The following PKD2 variants were observed in gnomAD, a reference collection of about 807,000 sequenced individuals.
PKD2 encodes polycystin-2.
Under a neutral mutation model 105.9 loss-of-function variants are expected in PKD2, and 48 were observed. That is an observed-to-expected ratio of 0.45 (90% CI 0.36 to 0.58). The LOEUF is 0.58. Ranked by LOEUF, PKD2 falls within the 20% of genes least tolerant of loss-of-function variation. The pLI, the probability that PKD2 is intolerant of heterozygous loss-of-function variation, is 0.00. For synonymous variants in PKD2, 464 were observed against 481.1 expected (o/e 0.96, Z 0.46); for missense variants, 1,078 against 1,255.3 (o/e 0.86, Z 2.13).
At chr4:88,016,656 A>G (rs1726572615) in intron 1 of PKD2, among the ~76,000 whole-genome samples, 1 of 152,202 alleles carries the variant, frequency 6.6e-6, no homozygotes, top group Non-Finnish European at 1.5e-5. Context: ...AGATAGAGTA[A>G]TTTAGAAAAA....
rs527635571 is a variant in PKD2 at position 88,043,108 on chromosome 4, G to A, written c.1095-125G>A. 1.7e-5 allele frequency: 12 copies of A among 701,440 alleles called. No individual in the cohort carries two copies. In the South Asian group the frequency reaches 1.7e-4, roughly 10 times the overall value. The allele number at this position is 701,440 out of a possible 1,614,324, so 43.5% of individuals were successfully genotyped here. A position where few individuals can be genotyped will look rare whatever the true frequency, so the allele number is the denominator to read the frequency against. ...AAGAAAACATGAACTGCCAGGTCAGGCACAGTACCCAGCTTGATAGGCCTT... is the reference window on the plus strand; with the variant it reads ...AAGAAAACATGAACTGCCAGGTCAGACACAGTACCCAGCTTGATAGGCCTT... On this transcript the variant is annotated intron_variant, in intron 4 of 14. Transcript: ENST00000237596.
chr4:88,016,791 C>T (rs1295008317), intron 1 of PKD2, among the ~76,000 whole-genome samples: 1 of 151,642 alleles, frequency 6.6e-6, no homozygotes, highest in Non-Finnish European at 1.5e-5. Context: ...TGAGACCCCA[C>T]CTCTACAAAA....
intron 1 of PKD2, among the ~76,000 whole-genome samples, chr4:88,018,652 C>A (rs528405079): frequency 5.4e-4 from 82 of 152,312 alleles, no homozygotes; most frequent in Non-Finnish European, 1.0e-3. Flanking sequence ...TGGCTGAGTC[C>A]AAAACTGCGG....
intron 6 of PKD2, among the ~76,000 whole-genome samples, chr4:88,049,839 C>T (rs1719972482): frequency 6.6e-6 from 1 of 151,916 alleles, no homozygotes; most frequent in Non-Finnish European, 1.5e-5. Context: ...AGTACACAGG[C>T]TGCATCAGTC....
chr4:88,010,856 T>C (rs4349566), intron 1 of PKD2, among the ~76,000 whole-genome samples: 14,650 of 152,238 alleles, frequency 0.096, 1,045 homozygotes, highest in East Asian at 0.41. Flanking sequence ...AGAAGTAAAA[T>C]AGTAAAGAAA....
At position 88,056,111 on chromosome 4, in the gene PKD2, G is replaced by C. The variant is rs779718327; in HGVS notation, c.1742G>C (p.Arg581Thr). Residue 581 changes from arginine to threonine, a missense_variant, in exon 8 of 15, where the codon AGG becomes ACG. Physicochemically the swap from Arg to Thr is moderately conservative, Grantham distance 71 (BLOSUM62 -1). Coordinates refer to ENST00000237596, the MANE Select transcript of PKD2 (RefSeq NM_000297.4). ...CTCTTCAAATTCATCAATTTTAACA[G>C]GACCATGAGCCAGCTCTCGACAACC... ...IKLFKFINFNRTMSQLSTTMS... is the reference protein window; with the variant it reads ...IKLFKFINFNTTMSQLSTTMS... 6.2e-7 allele frequency: 1 copy of C among 1,613,078 alleles called. No homozygotes were observed. The highest frequency in any genetic ancestry group is 8.5e-7 in the Non-Finnish European group (1 of 1,179,272).
At chr4:88,041,975 G>C (rs534392870) in intron 4 of PKD2, among the ~76,000 whole-genome samples, 14 of 152,172 alleles carry the variant, frequency 9.2e-5, no homozygotes, top group Non-Finnish European at 2.1e-4. Context: ...GTGCCTCTTA[G>C]AACTTTCCCT....
chr4:88,026,125 T>C (rs1214022494), intron 2 of PKD2, among the ~76,000 whole-genome samples: 2 of 152,020 alleles, frequency 1.3e-5, no homozygotes, highest in East Asian at 1.9e-4. Context: ...CAGGCAGCAA[T>C]TGGAACAGTT....
At chr4:88,018,382 C>G (rs1726630685) in intron 1 of PKD2, among the ~76,000 whole-genome samples, 1 of 152,088 alleles carries the variant, frequency 6.6e-6, no homozygotes, top group South Asian at 2.1e-4. Context: ...TATTTTTTCC[C>G]ATTTCCCTAT....
Position 88,068,053 on chromosome 4 carries a change from G to C in PKD2, c.2514G>C (p.Glu838Asp). 6.2e-7 allele frequency: 1 copy of C among 1,614,022 alleles called. No individual in the cohort carries two copies. ...TTTCTAGTGGCGTTTCTTACGAAGAGTTTCAAGTGTAAGTATAAAGGAATT... is the reference window on the plus strand; with the variant it reads ...TTTCTAGTGGCGTTTCTTACGAAGACTTTCAAGTGTAAGTATAAAGGAATT... Reference protein sequence around the residue: ...GSISSGVSYEEFQVLVRRVDR... With the variant: ...GSISSGVSYEDFQVLVRRVDR... Residue 838 changes from glutamate (E) to aspartate (D), a missense_variant, in exon 13 of 15, where the codon GAG becomes GAC. Physicochemically the swap from Glu to Asp is conservative, Grantham distance 45. Around this residue, in one of 2 missense-constraint regions of PKD2, gnomAD observed 868 missense variants for 1,067.3 expected, o/e 0.81. Coordinates refer to ENST00000237596, the MANE Select transcript of PKD2 (RefSeq NM_000297.4).
rs561385490 is a variant in PKD2, at chr4:88,038,951, T to A, written c.1094+450T>A. On this transcript the variant is annotated intron_variant, in intron 4 of 14. Transcript: ENST00000237596. The stretch of plus-strand genomic sequence containing the variant: ...GCTTGTGAGGCAATTTTTTGTTAGG[T>A]TTAAAGCCCATTTTGTTCAAATGTT... 1.3e-4 allele frequency among the ~76,000 whole-genome samples: 20 copies of A among 152,322 alleles called. No homozygotes were observed. The South Asian group carries it at 1.9e-3, about 14-fold the overall frequency.
At chr4:88,048,174 A>G (rs1727843692) in intron 6 of PKD2, among the ~76,000 whole-genome samples, 1 of 152,116 alleles carries the variant, frequency 6.6e-6, no homozygotes, top group Admixed American at 6.5e-5. Flanking sequence ...TTTCCTTCCC[A>G]CTGTCCTATG....
intron 1 of PKD2, among the ~76,000 whole-genome samples, chr4:88,011,716 A>G (rs1354920811): frequency 6.6e-6 from 1 of 152,172 alleles, no homozygotes; most frequent in Non-Finnish European, 1.5e-5. Flanking sequence ...AAAAGATTTG[A>G]ACATGGCTTT....
At chr4:88,010,635 TG>T (rs1726353162) in intron 1 of PKD2, among the ~76,000 whole-genome samples, 1 of 152,224 alleles carries the variant, frequency 6.6e-6, no homozygotes, top group Non-Finnish European at 1.5e-5. Flanking sequence ...GGAGTTTCCC[TG>T]GAAGTCTCTT....
intron 13 of PKD2, among the ~76,000 whole-genome samples, chr4:88,070,465 G>T (rs945116804): frequency 1.3e-5 from 2 of 151,342 alleles, no homozygotes; most frequent in African/African-American, 4.9e-5. Flanking sequence ...GTTCCTCAGA[G>T]TGCATAGTCT....
chr4:88,032,404 C>A (rs1358212299), intron 2 of PKD2, among the ~76,000 whole-genome samples: 1 of 152,206 alleles, frequency 6.6e-6, no homozygotes, highest in Non-Finnish European at 1.5e-5. Flanking sequence ...TGGCTCACAC[C>A]TGTAATCTCA....
At chr4:88,058,795 C>A (rs1333269634) in intron 9 of PKD2, among the ~76,000 whole-genome samples, 1 of 151,992 alleles carries the variant, frequency 6.6e-6, no homozygotes, top group Non-Finnish European at 1.5e-5. Flanking sequence ...TACAAATGAA[C>A]ATTTTTAATG....
intron 4 of PKD2, among the ~76,000 whole-genome samples, chr4:88,039,990 A>G (rs1404929916): frequency 2.0e-5 from 3 of 152,146 alleles, no homozygotes; most frequent in Non-Finnish European, 2.9e-5. Context: ...CCAATATTTT[A>G]TTTATCTCAC....
intron 2 of PKD2, among the ~76,000 whole-genome samples, chr4:88,031,358 A>T (rs567713336): frequency 1.3e-5 from 2 of 152,224 alleles, no homozygotes; most frequent in Non-Finnish European, 2.9e-5. Context: ...ATCATCTTGT[A>T]TAGCACTTTT....
Sources: gnomAD v4.1 joint callset for allele counts (sites outside exome capture counted in the v4.1 genomes callset) on GRCh38, gnomAD v4.1.1 for gene constraint, gnomAD v4.1.1 regional missense constraint, MANE v1.5 for transcripts, NCBI Gene and HGNC (gene_info 2026-07-23, HGNC 2026-07-21) for gene names.